Variants in NPAS3 observed in about 807,000 individuals in gnomAD.
The protein encoded by NPAS3 is neuronal PAS domain protein 3.
NPAS3 carries 14 observed loss-of-function variants against 73.1 expected under a neutral mutation model. That is an observed-to-expected ratio of 0.19 (90% CI 0.13 to 0.30). The LOEUF (loss-of-function observed/expected upper bound fraction) is 0.30. NPAS3 is among the 10% of genes least tolerant of loss of function. The pLI is 1.00. For synonymous variants in NPAS3, 620 were observed against 541.5 expected (o/e 1.14, Z -2.01); for missense variants, 1,096 against 1,250.0 (o/e 0.88, Z 1.86).
chr14:33,071,313 C>T lies in NPAS3; in HGVS notation c.140+15319C>T, dbSNP rs187053005. Among the ~76,000 whole-genome samples the T allele has an allele frequency of 2.9e-3, 443 of 152,292 alleles. 2 individuals are homozygous for T. Among genetic ancestry groups the T allele is most frequent in the African/African-American group, 0.01 (423 of 41,564 alleles). ...CTCAAATATTTCTAAATAACACTTA[C>T]ATGGTCATAAAAAGGCACAGATAAA... is the stretch of plus-strand genomic sequence containing the variant. On this transcript the variant is annotated intron_variant, in intron 2 of 11. Transcript: ENST00000356141.
At chr14:33,595,400 A>G (rs1315459118) in intron 5 of NPAS3, among the ~76,000 whole-genome samples, 1 of 152,192 alleles carries the variant, frequency 6.6e-6, no homozygotes, top group African/African-American at 2.4e-5. Flanking sequence ...ATCCATTAAT[A>G]AACTGGAGAA....
intron 2 of NPAS3, among the ~76,000 whole-genome samples, chr14:33,119,433 A>C (rs2043163807): frequency 6.6e-6 from 1 of 152,106 alleles, no homozygotes; most frequent in Admixed American, 6.6e-5. Context: ...AGATAGGAAA[A>C]CGGTGCTTGC....
At chr14:33,470,703 T>C (rs530118522) in intron 4 of NPAS3, among the ~76,000 whole-genome samples, 1 of 152,316 alleles carries the variant, frequency 6.6e-6, no homozygotes, top group East Asian at 1.9e-4. Flanking sequence ...CATTCTATTT[T>C]CTATCAAAGA....
chr14:33,552,293 A>G (rs1285195557), intron 4 of NPAS3, among the ~76,000 whole-genome samples: 1 of 152,202 alleles, frequency 6.6e-6, no homozygotes, highest in Non-Finnish European at 1.5e-5. Flanking sequence ...GTGGGAGGAA[A>G]AGCAGTCAAA....
At chr14:33,158,889 G>A (rs983928668) in intron 2 of NPAS3, among the ~76,000 whole-genome samples, 2 of 152,188 alleles carry the variant, frequency 1.3e-5, no homozygotes, top group Non-Finnish European at 2.9e-5. Flanking sequence ...CTGGCCGGGC[G>A]CAGTGGCTAA....
intron 4 of NPAS3, among the ~76,000 whole-genome samples, chr14:33,543,680 A>G (rs4456406): frequency 0.43 from 65,602 of 151,920 alleles, 14,986 homozygotes; most frequent in African/African-American, 0.6. Flanking sequence ...GGTTGGCTTC[A>G]TCTCAATCAG....
At chr14:33,424,388 G>A (rs1424675559) in intron 4 of NPAS3, among the ~76,000 whole-genome samples, 1 of 151,918 alleles carries the variant, frequency 6.6e-6, no homozygotes, top group East Asian at 1.9e-4. Flanking sequence ...AGACCAAGAT[G>A]CCCATGAAGG....
intron 1 of NPAS3, among the ~76,000 whole-genome samples, chr14:33,009,537 A>G (rs142402797): frequency 6.6e-6 from 1 of 152,300 alleles, no homozygotes; most frequent in Non-Finnish European, 1.5e-5. Context: ...TGGCAACAAT[A>G]ATGACATTAA....
chr14:32,953,270 C>T lies in NPAS3; in HGVS notation c.50+13904C>T, dbSNP rs560556830. 2.0e-5 allele frequency among the ~76,000 whole-genome samples: 3 copies of T among 152,224 alleles called. No individual in the cohort carries two copies. The East Asian group carries it at 5.8e-4, about 29-fold the overall frequency. Reference sequence around the variant, plus strand: ...GTATTTAGACTTGGGTTGAACCAAACCACGTTAGACTTCACAAGATCTGGA... The same window carrying T: ...GTATTTAGACTTGGGTTGAACCAAATCACGTTAGACTTCACAAGATCTGGA... On this transcript the variant is annotated intron_variant, in intron 1 of 11. Transcript: ENST00000356141.
At chr14:33,386,023 T>C (rs2046760453) in intron 4 of NPAS3, among the ~76,000 whole-genome samples, 1 of 152,126 alleles carries the variant, frequency 6.6e-6, no homozygotes, top group African/African-American at 2.4e-5. Context: ...GAGGAATGTA[T>C]ACGTACAGAT....
chr14:33,203,789 G>A (rs2046715038), intron 2 of NPAS3, among the ~76,000 whole-genome samples: 2 of 152,182 alleles, frequency 1.3e-5, no homozygotes, highest in Admixed American at 6.5e-5. Flanking sequence ...ACATATGTGT[G>A]CATGTGTCTT....
intron 4 of NPAS3, among the ~76,000 whole-genome samples, chr14:33,397,217 G>T (rs564648143): frequency 2.0e-4 from 31 of 152,184 alleles, no homozygotes; most frequent in African/African-American, 7.5e-4. Flanking sequence ...CTTAACTCCT[G>T]GAAGAGAGGC....
intron 4 of NPAS3, among the ~76,000 whole-genome samples, chr14:33,464,649 G>A (rs931380169): frequency 6.6e-6 from 1 of 152,176 alleles, no homozygotes; most frequent in African/African-American, 2.4e-5. Flanking sequence ...TTTACTGTCT[G>A]TGGCTGCAGC....
chr14:33,292,720 G>A (rs914540171), intron 3 of NPAS3, among the ~76,000 whole-genome samples: 3 of 152,214 alleles, frequency 2.0e-5, no homozygotes, highest in African/African-American at 7.2e-5. Context: ...TGGAGGGGGA[G>A]TCCGCATTCA....
intron 3 of NPAS3, among the ~76,000 whole-genome samples, chr14:33,283,407 CCTT>C (rs2041709310): frequency 6.6e-6 from 1 of 152,176 alleles, no homozygotes; most frequent in African/African-American, 2.4e-5. Flanking sequence ...TTTGGGTTAT[CCTT>C]CTTTCTTTAA....
chr14:33,284,094 C>T (rs907066177), intron 3 of NPAS3, among the ~76,000 whole-genome samples: 7 of 152,004 alleles, frequency 4.6e-5, no homozygotes, highest in African/African-American at 1.5e-4. Flanking sequence ...TCTTTGTAAA[C>T]TTATTTAAAT....
chr14:33,339,292 C>T (rs937987526), intron 3 of NPAS3, among the ~76,000 whole-genome samples: 3 of 151,946 alleles, frequency 2.0e-5, no homozygotes, highest in African/African-American at 7.3e-5. Context: ...TTTAAGATGA[C>T]AATTATAGGA....
At chr14:33,768,094 G>A (rs947654015) in intron 7 of NPAS3, among the ~76,000 whole-genome samples, 1 of 152,194 alleles carries the variant, frequency 6.6e-6, no homozygotes, top group African/African-American at 2.4e-5. Flanking sequence ...CTCACTATGG[G>A]ATGATCAAAT....
chr14:33,757,950 C>T (rs2062166263), intron 7 of NPAS3, among the ~76,000 whole-genome samples: 1 of 152,156 alleles, frequency 6.6e-6, no homozygotes, highest in South Asian at 2.1e-4. Context: ...ACTCTGAGCT[C>T]CTTGGTAATT....
Sources: allele counts gnomAD v4.1 joint callset (sites outside exome capture counted in the v4.1 genomes callset), GRCh38; gene constraint gnomAD v4.1.1; transcripts MANE v1.5; gene names NCBI Gene and HGNC (gene_info 2026-07-23, HGNC 2026-07-21).